The following NPAS2 variants were observed in gnomAD, a reference collection of about 807,000 sequenced individuals.
The protein encoded by NPAS2 is neuronal PAS domain protein 2.
Under a neutral mutation model 107.5 loss-of-function variants are expected in NPAS2, and 23 were observed. The observed-to-expected ratio is 0.21, with a 90% CI of 0.15 to 0.30. NPAS2 has a LOEUF of 0.30. Ranked by LOEUF, NPAS2 falls within the 10% of genes least tolerant of loss-of-function variation. The probability of loss-of-function intolerance (pLI) is 1.00; values close to 1 mark genes in which losing one functional copy is unlikely to be tolerated. For synonymous variants in NPAS2, 403 were observed against 417.5 expected, an observed-to-expected ratio of 0.97 and a Z score of 0.42; for missense variants, 756 against 1,043.3, an observed-to-expected ratio of 0.72 and a Z score of 3.79.
chr2:100,993,022 C>T (rs1246374088), intron 19 of NPAS2, among the ~76,000 whole-genome samples: 2 of 151,198 alleles, frequency 1.3e-5, no homozygotes, highest in African/African-American at 2.4e-5. Flanking sequence ...CTCCACCTCC[C>T]GGGTTCAAGC....
At chr2:100,971,127 G>A in intron 12 of NPAS2, 53 bp downstream of exon 12, 2 of 1,520,736 alleles carry the variant, frequency 1.3e-6, no homozygotes, top group South Asian at 1.1e-5. Flanking sequence ...GGAAGAAAAT[G>A]CAGCCAACCA....
rs775627943 is a variant in NPAS2, at chr2:100,988,286, C to T, written c.1827+10C>T. 19 of 1,610,152 alleles carry T rather than the reference C, an allele frequency of 1.2e-5. No homozygotes were observed. In the South Asian group the frequency reaches 1.5e-4, roughly 13 times the overall value. On this transcript the variant is annotated intron_variant, in intron 17 of 20. Transcript: ENST00000335681. ...TGTGATATCAACCCAGGTAAATGTG[C>T]TCCTTGCCAGCTTCACTCCTTGCCT...
intron 5 of NPAS2, among the ~76,000 whole-genome samples, chr2:100,943,874 T>C (rs1207505538): frequency 6.6e-6 from 1 of 152,198 alleles, no homozygotes; most frequent in East Asian, 1.9e-4. Flanking sequence ...AGGCAGCATA[T>C]AATTTAGAAC....
chr2:100,964,763 T>G lies in NPAS2; in HGVS notation c.718-98T>G, dbSNP rs1369415743. 3 of 728,710 alleles carry G rather than the reference T, an allele frequency of 4.1e-6. No homozygotes were observed. In the South Asian group the frequency reaches 5.1e-5, roughly 12 times the overall value. The allele number at this position is 728,710 out of a possible 1,614,324, so 45.1% of individuals were successfully genotyped here. A position where few individuals can be genotyped will look rare whatever the true frequency, so the allele number is the denominator to read the frequency against. On this transcript the variant is annotated intron_variant, in intron 8 of 20. Transcript: ENST00000335681. Reference sequence around the variant, plus strand: ...GACTTGGAGACTTGCTCGAAATGATTTTAACTTCTGTTACCCACCACGCGT... The same window carrying G: ...GACTTGGAGACTTGCTCGAAATGATGTTAACTTCTGTTACCCACCACGCGT...
chr2:100,842,077 A>G (rs566409535), intron 1 of NPAS2, among the ~76,000 whole-genome samples: 17 of 92,420 alleles, frequency 1.8e-4, no homozygotes, highest in South Asian at 1.6e-3. Context: ...GTGTGCATGT[A>G]CGCGCACACA....
At chr2:100,901,801 A>C (rs1681799510) in intron 1 of NPAS2, among the ~76,000 whole-genome samples, 1 of 151,642 alleles carries the variant, frequency 6.6e-6, no homozygotes, top group Non-Finnish European at 1.5e-5. Flanking sequence ...CTCCCCACCC[A>C]CACCTTTACA....
At chr2:100,936,135 T>G (rs1232054077) in intron 4 of NPAS2, among the ~76,000 whole-genome samples, 1 of 152,170 alleles carries the variant, frequency 6.6e-6, no homozygotes, top group African/African-American at 2.4e-5. Flanking sequence ...CGGTGTAAAA[T>G]AATAAATGAG....
At chr2:100,986,210 T>C (rs955481075) in intron 16 of NPAS2, 3 of 152,146 alleles carry the variant, frequency 2.0e-5, no homozygotes, top group Non-Finnish European at 4.4e-5. Flanking sequence ...TGAGAGGAGT[T>C]TGGGGAGGTC....
At chr2:100,874,298 G>A (rs1285348255) in intron 1 of NPAS2, among the ~76,000 whole-genome samples, 5 of 152,118 alleles carry the variant, frequency 3.3e-5, no homozygotes, top group African/African-American at 4.8e-5. Flanking sequence ...AAGTAATGGA[G>A]TACAACCCAC....
intron 2 of NPAS2, among the ~76,000 whole-genome samples, chr2:100,909,914 G>A (rs1244926631): frequency 1.3e-5 from 2 of 152,280 alleles, no homozygotes; most frequent in East Asian, 3.9e-4. Flanking sequence ...CTGTAGCCCA[G>A]TAAACGATGG....
chr2:100,977,803 A>C lies in NPAS2; in HGVS notation c.1482+4A>C. ...CACGCCCGCTCCCATGGCACAGGTG[A>C]GTCTGGGACCCAGGAAAGGGCAGCC... On this transcript the variant is annotated splice_donor_region_variant and intron_variant, in intron 15 of 20. Transcript: ENST00000335681. The C allele has an allele frequency of 2.5e-6, 4 of 1,613,480 alleles. No homozygotes were observed. Among genetic ancestry groups the C allele is most frequent in the Non-Finnish European group, 3.4e-6 (4 of 1,179,606 alleles).
chr2:100,820,289 C>T lies in NPAS2; in HGVS notation c.-148C>T, dbSNP rs1676000377. 1 of 141,954 alleles carries T rather than the reference C, an allele frequency of 7.0e-6. No homozygotes were observed. The highest frequency in any genetic ancestry group is 2.0e-4 in the South Asian group (1 of 5,062). 8.8% of individuals were successfully genotyped at this position (141,954 alleles called of 1,614,324 possible). A position where few individuals can be genotyped will look rare whatever the true frequency, so the allele number is the denominator to read the frequency against. ...GGCGGCAGCAGCTAGAGCAGCGCCT[C>T]CCGCCGCCGCCCGGGAGGAGCTCGC... On this transcript the variant is annotated 5_prime_UTR_variant, in exon 1 of 21. Transcript: ENST00000335681. This position sits in a 1 kb window ranked among gnomAD's most constrained non-coding sequence, Gnocchi z 5.6.
chr2:100,886,790 A>G (rs908378754), intron 1 of NPAS2, among the ~76,000 whole-genome samples: 6 of 152,334 alleles, frequency 3.9e-5, no homozygotes, highest in African/African-American at 1.2e-4. Context: ...AGGCCAAGGG[A>G]CAGGAGAAAG....
chr2:100,924,787 T>C (rs1683457970), intron 2 of NPAS2, among the ~76,000 whole-genome samples: 1 of 152,178 alleles, frequency 6.6e-6, no homozygotes, highest in African/African-American at 2.4e-5. Context: ...GTTTGAGTCT[T>C]AGGAAGGGCT....
chr2:100,860,421 A>G (rs1678868016), intron 1 of NPAS2, among the ~76,000 whole-genome samples: 1 of 152,024 alleles, frequency 6.6e-6, no homozygotes, highest in Non-Finnish European at 1.5e-5. Context: ...CCGCTGAACT[A>G]TTTTTCCTTT....
chr2:100,875,446 T>A (rs1029694443), intron 1 of NPAS2, among the ~76,000 whole-genome samples: 4 of 142,796 alleles, frequency 2.8e-5, no homozygotes, highest in African/African-American at 1.1e-4. Flanking sequence ...ATAAAATTTT[T>A]AAAAATTAAA....
chr2:100,865,805 A>G (rs1358905260), intron 1 of NPAS2, among the ~76,000 whole-genome samples: 1 of 152,152 alleles, frequency 6.6e-6, no homozygotes, highest in Non-Finnish European at 1.5e-5. Flanking sequence ...GGAGACTCCT[A>G]TTTGGACCAT....
At chr2:100,952,390 C>T (rs1381023184) in intron 7 of NPAS2, among the ~76,000 whole-genome samples, 1 of 151,798 alleles carries the variant, frequency 6.6e-6, no homozygotes, top group Admixed American at 6.6e-5. Context: ...CATGGAGAAA[C>T]CCCGTCTCTA....
intron 7 of NPAS2, among the ~76,000 whole-genome samples, chr2:100,959,446 C>G (rs1440405143): frequency 6.6e-6 from 1 of 152,140 alleles, no homozygotes; most frequent in African/African-American, 2.4e-5. Context: ...AGGATTATCA[C>G]GGTGCTCTCC....
Sources: gnomAD v4.1 joint callset for allele counts (sites outside exome capture counted in the v4.1 genomes callset) on GRCh38, gnomAD v4.1.1 for gene constraint, Gnocchi (gnomAD v3.1) non-coding constraint, MANE v1.5 for transcripts, NCBI Gene and HGNC (gene_info 2026-07-23, HGNC 2026-07-21) for gene names.